Variants in NDST4 observed in about 807,000 individuals in gnomAD.
NDST4 encodes the protein N-deacetylase and N-sulfotransferase 4, also known as N-heparan sulfate sulfotransferase 4.
A neutral mutation model predicts 100.8 loss-of-function variants in NDST4; 63 were observed. The ratio of observed to expected loss-of-function variants is 0.62; its 90% CI spans 0.51 to 0.77. The LOEUF (loss-of-function observed/expected upper bound fraction) is 0.77, where lower values mean the gene tolerates loss of function less well. NDST4 is among the 30% of genes least tolerant of loss of function. The pLI, the probability that NDST4 is intolerant of heterozygous loss-of-function variation, is 0.00. For missense variants in NDST4, 943 were observed against 1,018.4 expected (o/e 0.93, Z 1.01); for synonymous variants, 377 against 361.8 (o/e 1.04, Z -0.48).
chr4:115,108,988 AG>A (rs1486772305), intron 1 of NDST4, among the ~76,000 whole-genome samples: 1 of 151,650 alleles, frequency 6.6e-6, no homozygotes, highest in Non-Finnish European at 1.5e-5. Flanking sequence ...AAAAGACAAG[AG>A]GAAGGTAGGA....
chr4:114,838,803 AC>A (rs1723359245), intron 11 of NDST4, among the ~76,000 whole-genome samples: 1 of 147,716 alleles, frequency 6.8e-6, no homozygotes, highest in African/African-American at 2.6e-5. Context: ...GTAGCCCAGA[AC>A]TTTTTTTTTT....
chr4:114,883,191 A>T (rs1450644656), intron 6 of NDST4, among the ~76,000 whole-genome samples: 1 of 152,088 alleles, frequency 6.6e-6, no homozygotes, highest in Non-Finnish European at 1.5e-5. Flanking sequence ...GGTAAAATTA[A>T]ATTTTTTATT....
chr4:114,996,650 C>T (rs538937945), intron 2 of NDST4, among the ~76,000 whole-genome samples: 2 of 151,992 alleles, frequency 1.3e-5, no homozygotes, highest in African/African-American at 4.8e-5. Flanking sequence ...AGAGAATGGT[C>T]AGCCAAAAAT....
chr4:115,000,881 A>G (rs760243504), intron 2 of NDST4, among the ~76,000 whole-genome samples: 6 of 152,154 alleles, frequency 3.9e-5, no homozygotes, highest in Non-Finnish European at 7.3e-5. Flanking sequence ...AGTCAAGACA[A>G]TGACATATTT....
chr4:114,998,462 G>T (rs568401315), intron 2 of NDST4, among the ~76,000 whole-genome samples: 50 of 152,142 alleles, frequency 3.3e-4, no homozygotes, highest in African/African-American at 1.2e-3. Flanking sequence ...ACTATTCCCT[G>T]GGGAACAGAT....
At chr4:114,933,456 T>TTTTTTTTTTTTTA (rs1337610741) in intron 6 of NDST4, among the ~76,000 whole-genome samples, 59 of 133,402 alleles carry the variant, frequency 4.4e-4, no homozygotes, top group Non-Finnish European at 9.1e-4. Context: ...TTTTTTTTTG[T>TTTTTTTTTTTTTA]GTGTAAAAAC....
intron 2 of NDST4, among the ~76,000 whole-genome samples, chr4:114,992,054 T>C (rs1727051429): frequency 6.6e-6 from 1 of 151,956 alleles, no homozygotes; most frequent in South Asian, 2.1e-4. Flanking sequence ...GGTTCCCATA[T>C]ACCGAATACT....
intron 6 of NDST4, among the ~76,000 whole-genome samples, chr4:114,928,016 CT>C (rs1725420567): frequency 6.6e-6 from 1 of 152,128 alleles, no homozygotes; most frequent in Non-Finnish European, 1.5e-5. Flanking sequence ...ACTTTGATAC[CT>C]AGCAAAATGT....
chr4:115,058,340 T>C (rs1022944324), intron 2 of NDST4, among the ~76,000 whole-genome samples: 1 of 152,194 alleles, frequency 6.6e-6, no homozygotes, highest in African/African-American at 2.4e-5. Flanking sequence ...GCAAAGCAAC[T>C]TCAATCATAC....
At chr4:114,973,324 A>G (rs1176591996) in intron 3 of NDST4, among the ~76,000 whole-genome samples, 1 of 151,740 alleles carries the variant, frequency 6.6e-6, no homozygotes, top group East Asian at 1.9e-4. Context: ...TGCAGTTTAT[A>G]TGTGACCAGA....
chr4:114,986,819 TA>T lies in NDST4; in HGVS notation c.979-9546del, dbSNP rs1560845386. On this transcript the variant is annotated intron_variant, in intron 2 of 13. Transcript: ENST00000264363. Reference sequence around the variant, plus strand: ...ATATATATATATATATATATATATATATATATATATATATTTTAATATACTA... The same window carrying T: ...ATATATATATATATATATATATATATTATATATATATATTTTAATATACTA... 5.5e-4 allele frequency among the ~76,000 whole-genome samples: 69 copies of T among 125,572 alleles called. 1 individual carries two copies. The highest frequency in any genetic ancestry group is 7.4e-4 in the Non-Finnish European group (45 of 61,158). 82.4% of individuals were successfully genotyped at this position (125,572 alleles called of 152,430 possible).
intron 6 of NDST4, among the ~76,000 whole-genome samples, chr4:114,883,595 T>C (rs1464712458): frequency 6.6e-6 from 1 of 152,086 alleles, no homozygotes; most frequent in Admixed American, 6.6e-5. Flanking sequence ...AATTCAACCA[T>C]ATCAATAATC....
At chr4:114,862,966 T>C (rs1723948952) in intron 7 of NDST4, among the ~76,000 whole-genome samples, 2 of 152,198 alleles carry the variant, frequency 1.3e-5, no homozygotes, top group Admixed American at 6.5e-5. Context: ...TTTTATATTA[T>C]GCTATTTTAG....
chr4:114,953,484 C>T (rs1726066881), intron 4 of NDST4, among the ~76,000 whole-genome samples: 1 of 152,096 alleles, frequency 6.6e-6, no homozygotes, highest in African/African-American at 2.4e-5. Flanking sequence ...ACTCTAGGAA[C>T]ATAGTTTAGG....
intron 7 of NDST4, among the ~76,000 whole-genome samples, chr4:114,858,794 G>A (rs548901613): frequency 5.1e-4 from 77 of 152,198 alleles, no homozygotes; most frequent in African/African-American, 1.8e-3. Flanking sequence ...AGGAATTCTA[G>A]CTCCCATAGC....
intron 7 of NDST4, among the ~76,000 whole-genome samples, chr4:114,853,103 GT>G (rs1723715203): frequency 6.6e-6 from 1 of 152,084 alleles, no homozygotes; most frequent in Non-Finnish European, 1.5e-5. Context: ...CTTGGTTTAT[GT>G]TTTATGTCTA....
rs140836969 is a variant in NDST4, at chr4:114,978,730, C to T, written c.979-1456G>A. On this transcript the variant is annotated intron_variant, in intron 2 of 13. Coordinates refer to ENST00000264363, the MANE Select transcript of NDST4 (RefSeq NM_022569.3). Reference sequence around the variant, plus strand: ...TTTTTTTTTGGCTGTATTCCATGCACAATTTCTTAGTCTCCTTATCTTGAT... The same window carrying T: ...TTTTTTTTTGGCTGTATTCCATGCATAATTTCTTAGTCTCCTTATCTTGAT... Among the ~76,000 whole-genome samples the T allele has an allele frequency of 1.3e-3, 204 of 151,972 alleles. 3 individuals are homozygous for T. In the East Asian group the frequency reaches 0.032, roughly 24 times the overall value.
intron 10 of NDST4, among the ~76,000 whole-genome samples, chr4:114,844,782 T>C (rs1226795791): frequency 6.6e-6 from 1 of 152,198 alleles, no homozygotes; most frequent in Non-Finnish European, 1.5e-5. Context: ...ATGAACACTT[T>C]CCTCTTGTTA....
At chr4:114,854,450 A>G (rs987220027) in intron 7 of NDST4, among the ~76,000 whole-genome samples, 3 of 152,136 alleles carry the variant, frequency 2.0e-5, no homozygotes, top group East Asian at 1.9e-4. Flanking sequence ...GAGTGCAGGT[A>G]TCTCTTCAAT....
Sources: allele counts gnomAD v4.1 joint callset (sites outside exome capture counted in the v4.1 genomes callset), GRCh38; gene constraint gnomAD v4.1.1; transcripts MANE v1.5; gene names NCBI Gene and HGNC (gene_info 2026-07-23, HGNC 2026-07-21).